Variants in ADCY2 observed in about 807,000 individuals in gnomAD.
ADCY2 encodes the protein adenylate cyclase 2.
In ADCY2, 31 loss-of-function variants were observed where a neutral mutation model predicts 125.2. That is an observed-to-expected ratio of 0.25 (90% CI 0.19 to 0.33). The LOEUF (loss-of-function observed/expected upper bound fraction) is 0.33, where lower values mean the gene tolerates loss of function less well. Ranked by LOEUF, ADCY2 falls within the 10% of genes least tolerant of loss-of-function variation. ADCY2 has a pLI of 1.00. For missense variants in ADCY2, 904 were observed against 1,418.2 expected, an observed-to-expected ratio of 0.64 and a Z score of 5.82; for synonymous variants, 512 against 548.4, an observed-to-expected ratio of 0.93 and a Z score of 0.93.
chr5:7,645,940 G>A (rs1310333035), intron 4 of ADCY2, among the ~76,000 whole-genome samples: 1 of 152,198 alleles, frequency 6.6e-6, no homozygotes, highest in Non-Finnish European at 1.5e-5. Context: ...ACTTAAGTAT[G>A]TTGCACTTCA....
At chr5:7,598,320 T>C (rs1454536553) in intron 3 of ADCY2, among the ~76,000 whole-genome samples, 1 of 152,012 alleles carries the variant, frequency 6.6e-6, no homozygotes, top group Non-Finnish European at 1.5e-5. Context: ...AGGGTAGGGG[T>C]GAGCCTAAAT....
At chr5:7,574,590 C>T (rs1219375296) in intron 3 of ADCY2, among the ~76,000 whole-genome samples, 2 of 152,142 alleles carry the variant, frequency 1.3e-5, no homozygotes, top group Non-Finnish European at 2.9e-5. Flanking sequence ...TTAAAGCATC[C>T]TTAGGCAAAG....
At chr5:7,499,803 A>C (rs1261688760) in intron 2 of ADCY2, among the ~76,000 whole-genome samples, 1 of 151,040 alleles carries the variant, frequency 6.6e-6, no homozygotes, top group Admixed American at 6.6e-5. Context: ...AAAACTGCCC[A>C]TATAGAGAAA....
At chr5:7,578,559 GT>G (rs1736326488) in intron 3 of ADCY2, among the ~76,000 whole-genome samples, 1 of 152,034 alleles carries the variant, frequency 6.6e-6, no homozygotes, top group Non-Finnish European at 1.5e-5. Context: ...GGTGGTTTAG[GT>G]TTTTTTGCAA....
Position 7,735,247 on chromosome 5 carries a change from CTA to C in ADCY2, c.1871+7990_1871+7991del, listed in dbSNP as rs143182536. 2.6e-3 allele frequency among the ~76,000 whole-genome samples: 397 copies of C among 152,310 alleles called. 2 individuals carry two copies. The highest frequency in any genetic ancestry group is 9.2e-3 in the African/African-American group (382 of 41,578). On this transcript the variant is annotated intron_variant, in intron 14 of 24. Coordinates refer to ENST00000338316, the MANE Select transcript of ADCY2 (RefSeq NM_020546.3). ...GAATCTCAGGTTGTCACATACTTTT[CTA>C]TATGCAAGACCATATCACCTACAAA...
rs145487500 is a variant in ADCY2, at chr5:7,556,778, A to G, written c.570+35879A>G. 2.5e-3 allele frequency among the ~76,000 whole-genome samples: 374 copies of G among 152,242 alleles called. 1 individual carries two copies. The highest frequency in any genetic ancestry group is 8.0e-3 in the African/African-American group (331 of 41,526). On this transcript the variant is annotated intron_variant, in intron 3 of 24. Transcript: ENST00000338316. ...CATAAGAGCGGGAACCCTATTATGA[A>G]CTGCACGTGCAAGGGATCTAGGTTG...
intron 2 of ADCY2, among the ~76,000 whole-genome samples, chr5:7,446,195 ATTG>A (rs931322131): frequency 2.6e-5 from 4 of 152,336 alleles, no homozygotes; most frequent in African/African-American, 7.2e-5. Flanking sequence ...TTTATAAAGA[ATTG>A]TTGTTGTATT....
intron 2 of ADCY2, among the ~76,000 whole-genome samples, chr5:7,502,240 A>T (rs1250503954): frequency 6.6e-6 from 1 of 152,114 alleles, no homozygotes; most frequent in Non-Finnish European, 1.5e-5. Flanking sequence ...GCCTAAGCAC[A>T]CTATGCTATT....
intron 4 of ADCY2, among the ~76,000 whole-genome samples, chr5:7,669,199 A>G (rs910003614): frequency 2.6e-5 from 4 of 152,230 alleles, no homozygotes; most frequent in East Asian, 1.9e-4. Flanking sequence ...AAATTCCAAT[A>G]CAGTAAATAG....
chr5:7,573,588 A>ATTTTTTTTTT (rs1561102712), intron 3 of ADCY2, among the ~76,000 whole-genome samples: 1 of 94,620 alleles, frequency 1.1e-5, no homozygotes, highest in Non-Finnish European at 2.2e-5. Context: ...TACAGGGTTG[A>ATTTTTTTTTT]TTTTCTTTTT....
chr5:7,677,265 A>G (rs1240263139), intron 4 of ADCY2, among the ~76,000 whole-genome samples: 1 of 152,094 alleles, frequency 6.6e-6, no homozygotes, highest in Non-Finnish European at 1.5e-5. Flanking sequence ...GCAACAAAAG[A>G]GAAACTCCAT....
chr5:7,557,875 T>C (rs756413426), intron 3 of ADCY2, among the ~76,000 whole-genome samples: 2 of 152,306 alleles, frequency 1.3e-5, no homozygotes, highest in Middle Eastern at 3.4e-3. Flanking sequence ...TTTGAGTATA[T>C]ACCCAGATAC....
intron 3 of ADCY2, among the ~76,000 whole-genome samples, chr5:7,586,993 G>T (rs1228333339): frequency 6.6e-6 from 1 of 152,140 alleles, no homozygotes; most frequent in African/African-American, 2.4e-5. Context: ...TAGATAGATA[G>T]ACAAAGACAT....
chr5:7,679,361 A>G (rs181928243), intron 4 of ADCY2, among the ~76,000 whole-genome samples: 146 of 152,360 alleles, frequency 9.6e-4, no homozygotes, highest in African/African-American at 3.2e-3. Flanking sequence ...GGGGTATATC[A>G]TATCTTGTAA....
chr5:7,826,790 G>T lies in ADCY2; in HGVS notation c.3195G>T (p.Val1065=). 6.2e-7 allele frequency: 1 copy of T among 1,614,122 alleles called. No individual in the cohort carries two copies. The highest frequency in any genetic ancestry group is 8.5e-7 in the Non-Finnish European group (1 of 1,180,034). ...GCACCTGTCGAGGAATAATCAACGT[G>T]AAAGGAAAGGGGGACCTGAAGACGT... The part of the protein sequence containing the change: ...YTCTCRGIIN[V]KGKGDLKTYF... The change falls in exon 25 of 25, where the codon GTG becomes GTT. Residue 1065 remains valine (V), a synonymous_variant. Coordinates refer to ENST00000338316, the MANE Select transcript of ADCY2 (RefSeq NM_020546.3).
chr5:7,736,720 C>CA (rs964497195), intron 14 of ADCY2, among the ~76,000 whole-genome samples: 45 of 148,824 alleles, frequency 3.0e-4, no homozygotes, highest in African/African-American at 9.4e-4. Context: ...AATAATTATT[C>CA]AAAAAAAAAG....
chr5:7,495,385 T>C (rs1292297093), intron 2 of ADCY2, among the ~76,000 whole-genome samples: 1 of 152,346 alleles, frequency 6.6e-6, no homozygotes, highest in African/African-American at 2.4e-5. Context: ...TCTGCTACCA[T>C]GAACTCTTAA....
chr5:7,739,920 T>G (rs1376480521), intron 14 of ADCY2, among the ~76,000 whole-genome samples: 1 of 152,008 alleles, frequency 6.6e-6, no homozygotes, highest in East Asian at 1.9e-4. Flanking sequence ...TTAAAAATTT[T>G]TCCCACAAAG....
At chr5:7,633,106 GCAA>G (rs1738375002) in intron 4 of ADCY2, among the ~76,000 whole-genome samples, 8 of 151,680 alleles carry the variant, frequency 5.3e-5, no homozygotes, top group African/African-American at 1.9e-4. Flanking sequence ...AGCCACATTA[GCAA>G]CTATTTGTTC....
Sources: allele counts gnomAD v4.1 joint callset (sites outside exome capture counted in the v4.1 genomes callset), GRCh38; gene constraint gnomAD v4.1.1; transcripts MANE v1.5; gene names NCBI Gene and HGNC (gene_info 2026-07-23, HGNC 2026-07-21).